Variants in CLRN1 observed in about 807,000 individuals in gnomAD.
CLRN1 encodes the protein clarin-1.
CLRN1 carries 15 observed loss-of-function variants against 18.7 expected under a neutral mutation model. The ratio of observed to expected loss-of-function variants is 0.80; its 90% CI spans 0.54 to 1.23. CLRN1 has a LOEUF of 1.23. Among genes scored for constraint, CLRN1 ranks in the 50% most tolerant of loss-of-function variants. The pLI, the probability that CLRN1 is intolerant of heterozygous loss-of-function variation, is 0.00. For synonymous variants in CLRN1, 104 were observed against 102.9 expected (o/e 1.01, Z -0.07); for missense variants, 311 against 277.5 (o/e 1.12, Z -0.86).
At position 150,944,555 on chromosome 3, in the gene CLRN1, T is replaced by C. The variant is rs1452193763; in HGVS notation, c.254-2794A>G. ...TTTGGAGATGGAAGATAGGACTTGT[T>C]TAAAAAAAAAAAAAAGAATCCAGGC... On this transcript the variant is annotated intron_variant, in intron 1 of 2. Transcript: ENST00000327047. 5.0e-4 allele frequency among the ~76,000 whole-genome samples: 42 copies of C among 83,466 alleles called. 1 individual carries two copies. In the South Asian group the frequency reaches 0.015, roughly 29 times the overall value. 54.8% of individuals were successfully genotyped at this position (83,466 alleles called of 152,430 possible). A position where few individuals can be genotyped will look rare whatever the true frequency, so the allele number is the denominator to read the frequency against.
chr3:150,927,379 C>T lies in CLRN1; in HGVS notation c.*557G>A. The T allele has an allele frequency of 2.3e-6, 1 of 439,864 alleles. No individual in the cohort carries two copies. Among genetic ancestry groups the T allele is most frequent in the Non-Finnish European group, 4.5e-6 (1 of 220,156 alleles). 27.2% of individuals were successfully genotyped at this position (439,864 alleles called of 1,614,324 possible). On this transcript the variant is annotated 3_prime_UTR_variant, in exon 3 of 3. Transcript: ENST00000327047. ...AACTCAAATGATCTTCCCACCTTGG[C>T]CTCCTGAAGTGCTGGAATTACAGGT...
intron 2 of CLRN1, among the ~76,000 whole-genome samples, chr3:150,938,289 C>T (rs556173223): frequency 8.5e-5 from 13 of 152,212 alleles, no homozygotes; most frequent in East Asian, 5.8e-4. Flanking sequence ...GTGACTCGTA[C>T]GTGAAATAAA....
intron 1 of CLRN1, among the ~76,000 whole-genome samples, chr3:150,959,628 C>CA (rs202231765): frequency 0.082 from 7,189 of 87,310 alleles, 237 homozygotes; most frequent in African/African-American, 0.1. Context: ...GACTTTGTCT[C>CA]AAAAAAAAAA....
intron 2 of CLRN1, among the ~76,000 whole-genome samples, chr3:150,934,488 C>T (rs571920195): frequency 1.3e-5 from 2 of 152,238 alleles, no homozygotes; most frequent in African/African-American, 4.8e-5. Flanking sequence ...ATACAATTTG[C>T]AATAAGTCCA....
intron 1 of CLRN1, among the ~76,000 whole-genome samples, chr3:150,957,910 T>C (rs7628902): frequency 0.27 from 40,962 of 151,964 alleles, 6,603 homozygotes; most frequent in African/African-American, 0.44. Context: ...ATCTACCCAC[T>C]GCAGCCTCCC....
Position 150,961,753 on chromosome 3 carries a change from C to T in CLRN1, c.253+10703G>A, listed in dbSNP as rs1331006905. ...TTCTTCTTACAGAAATGCTCTTGAT[C>T]TGACTTTCCCCTCAGCCCATCTGCA... On this transcript the variant is annotated intron_variant, in intron 1 of 2. Coordinates refer to ENST00000327047, the MANE Select transcript of CLRN1 (RefSeq NM_174878.3). Among the ~76,000 whole-genome samples, 5 of 152,272 alleles carry T rather than the reference C, an allele frequency of 3.3e-5. 1 individual carries two copies. The highest frequency in any genetic ancestry group is 4.1e-4 in the South Asian group (2 of 4,822).
chr3:150,943,978 G>C, intron 1 of CLRN1: 1 of 1,444,270 alleles, frequency 6.9e-7, no homozygotes, highest in Non-Finnish European at 9.6e-7. Context: ...CCATGAAGGG[G>C]TCAAGAAAAT....
At chr3:150,965,207 C>T (rs1715209536) in intron 1 of CLRN1, among the ~76,000 whole-genome samples, 1 of 152,028 alleles carries the variant, frequency 6.6e-6, no homozygotes, top group African/African-American at 2.4e-5. Context: ...AGTCTGCTAC[C>T]TATTAGCTAT....
rs1190714249 is a variant in CLRN1, at chr3:150,972,600, T to C, written c.109A>G (p.Thr37Ala). Residue 37 changes from threonine to alanine, a missense_variant, in exon 1 of 3, where the codon ACT (threonine) becomes GCT (alanine). Transcript: ENST00000327047. ...AGAGCTCCCGTTTTGCAGAGGACAGTGGCTTTGATCCACAACGGTGTCCCC... is the reference window on the plus strand; with the variant it reads ...AGAGCTCCCGTTTTGCAGAGGACAGCGGCTTTGATCCACAACGGTGTCCCC... ...ALGTPLWIKA[T>A]VLCKTGALLV... 6.2e-7 allele frequency: 1 copy of C among 1,614,234 alleles called. No homozygotes were observed. Among genetic ancestry groups the C allele is most frequent in the South Asian group, 1.1e-5 (1 of 91,088 alleles).
intron 1 of CLRN1, among the ~76,000 whole-genome samples, chr3:150,945,249 T>G (rs944517193): frequency 6.6e-6 from 1 of 152,122 alleles, no homozygotes; most frequent in African/African-American, 2.4e-5. Flanking sequence ...GGCTCCCCCA[T>G]GTCTACAAGC....
intron 1 of CLRN1, among the ~76,000 whole-genome samples, chr3:150,949,978 A>C: frequency 6.6e-6 from 1 of 152,178 alleles, no homozygotes; most frequent in Non-Finnish European, 1.5e-5. Flanking sequence ...AGACCAAATG[A>C]ACAGGATAGA....
intron 1 of CLRN1, among the ~76,000 whole-genome samples, chr3:150,947,446 C>G (rs1714237714): frequency 6.6e-6 from 1 of 152,170 alleles, no homozygotes; most frequent in African/African-American, 2.4e-5. Flanking sequence ...TAGACTCCCA[C>G]ACAATAGTAG....
chr3:150,937,894 G>A (rs16863085), intron 2 of CLRN1, among the ~76,000 whole-genome samples: 2,432 of 152,168 alleles, frequency 0.016, 77 homozygotes, highest in African/African-American at 0.055. Context: ...GCACCACATC[G>A]GGAGACATAA....
intron 1 of CLRN1, chr3:150,944,302 C>A (rs988352617): frequency 5.6e-6 from 1 of 179,682 alleles, no homozygotes; most frequent in East Asian, 1.4e-4. Flanking sequence ...GTGACCATGG[C>A]GAGGAGTTGG....
chr3:150,927,392 T>C lies in CLRN1; in HGVS notation c.*544A>G. The stretch of plus-strand genomic sequence containing the variant: ...TTCCCACCTTGGCCTCCTGAAGTGC[T>C]GGAATTACAGGTGTGAGTCACCACG... On this transcript the variant is annotated 3_prime_UTR_variant, in exon 3 of 3. Transcript: ENST00000327047. 2.2e-6 allele frequency: 1 copy of C among 444,918 alleles called. No homozygotes were observed. Among genetic ancestry groups the C allele is most frequent in the South Asian group, 1.6e-5 (1 of 61,550 alleles). 27.6% of individuals were successfully genotyped at this position (444,918 alleles called of 1,614,324 possible).
intron 1 of CLRN1, among the ~76,000 whole-genome samples, chr3:150,949,423 T>C (rs1364228351): frequency 2.6e-5 from 4 of 152,168 alleles, no homozygotes; most frequent in Non-Finnish European, 5.9e-5. Flanking sequence ...AAACTAAATC[T>C]GTTTGCAGAG....
chr3:150,935,938 G>A (rs1351208444), intron 2 of CLRN1, among the ~76,000 whole-genome samples: 1 of 151,146 alleles, frequency 6.6e-6, no homozygotes, highest in Admixed American at 6.6e-5. Flanking sequence ...CTGCATAAAT[G>A]TCTTCTTTTG....
intron 1 of CLRN1, among the ~76,000 whole-genome samples, chr3:150,961,338 C>G (rs887068515): frequency 6.6e-6 from 1 of 152,182 alleles, no homozygotes; most frequent in African/African-American, 2.4e-5. Flanking sequence ...GTCCCACCCC[C>G]AGAGATCCTG....
At chr3:150,926,385 A>G (rs1291801753), downstream of CLRN1, 3 of 269,030 alleles carry the variant, frequency 1.1e-5, no homozygotes, top group Non-Finnish European at 2.2e-5. Context: ...CACGCAGGAG[A>G]CGGTCCTTGT....
Sources: gnomAD v4.1 joint callset for allele counts (sites outside exome capture counted in the v4.1 genomes callset) on GRCh38, gnomAD v4.1.1 for gene constraint, MANE v1.5 for transcripts, NCBI Gene and HGNC (gene_info 2026-07-23, HGNC 2026-07-21) for gene names.